FEZ1: variants seen among roughly 807,000 people sequenced by gnomAD.
FEZ1 encodes fasciculation and elongation protein zeta 1.
Under a neutral mutation model 49.3 loss-of-function variants are expected in FEZ1, and 20 were observed. The ratio of observed to expected loss-of-function variants is 0.41; its 90% CI spans 0.29 to 0.59. FEZ1 has a LOEUF of 0.59. Ranked by LOEUF, FEZ1 falls within the 20% of genes least tolerant of loss-of-function variation. The pLI, the probability that FEZ1 is intolerant of heterozygous loss-of-function variation, is 0.36. For missense variants in FEZ1, 413 were observed against 476.0 expected, an observed-to-expected ratio of 0.87 and a Z score of 1.23; for synonymous variants, 170 against 180.9, an observed-to-expected ratio of 0.94 and a Z score of 0.48.
chr11:125,467,589 G>T (rs1794620052), intron 3 of FEZ1, among the ~76,000 whole-genome samples: 1 of 152,216 alleles, frequency 6.6e-6, no homozygotes, highest in African/African-American at 2.4e-5. Flanking sequence ...GGTGTCTCAT[G>T]CCTGTAATTC....
At chr11:125,449,078 CCA>C (rs1313161321) in intron 8 of FEZ1, among the ~76,000 whole-genome samples, 1 of 151,964 alleles carries the variant, frequency 6.6e-6, no homozygotes, top group Non-Finnish European at 1.5e-5. Flanking sequence ...TCTCGCCCTG[CCA>C]CACAGGCTGA....
rs1956888373 is a variant in FEZ1 at position 125,445,221 on chromosome 11, G to A, written c.*874C>T. Among the ~76,000 whole-genome samples, 1 of 152,222 alleles carries A rather than the reference G, an allele frequency of 6.6e-6. No homozygotes were observed. Among genetic ancestry groups the A allele is most frequent in the South Asian group, 2.1e-4 (1 of 4,834 alleles). ...AAAGTCAAAGGACACTGTTGCCAGG[G>A]GTCGTTGGGGACAAACAGGGAGTGG... On this transcript the variant is annotated 3_prime_UTR_variant, in exon 10 of 10. Transcript: ENST00000278919. The surrounding 1 kb of genome is among the most constrained non-coding windows in gnomAD (Gnocchi z 4.4).
chr11:125,470,716 A>T (rs1436956454), intron 3 of FEZ1, among the ~76,000 whole-genome samples: 1 of 152,228 alleles, frequency 6.6e-6, no homozygotes, highest in Non-Finnish European at 1.5e-5. Flanking sequence ...CACCAAAAGA[A>T]ATGCTATAAA....
chr11:125,451,475 T>A (rs1020868787), intron 8 of FEZ1: 1 of 152,222 alleles, frequency 6.6e-6, no homozygotes, highest in Non-Finnish European at 1.5e-5. Flanking sequence ...ACTTCCCCTC[T>A]CCTTGGGTAT....
At chr11:125,477,063 G>A (rs1957239248) in intron 3 of FEZ1, among the ~76,000 whole-genome samples, 1 of 151,974 alleles carries the variant, frequency 6.6e-6, no homozygotes, top group African/African-American at 2.4e-5. Flanking sequence ...ATGTTTTCAA[G>A]AAAAAAACAT....
intron 8 of FEZ1, among the ~76,000 whole-genome samples, chr11:125,448,911 G>T (rs1454253843): frequency 6.6e-6 from 1 of 151,860 alleles, no homozygotes; most frequent in East Asian, 1.9e-4. Flanking sequence ...GGTGGCACAC[G>T]CCTGTAGTCC....
At chr11:125,453,446 C>G (rs1247333104) in intron 7 of FEZ1, 2 of 152,130 alleles carry the variant, frequency 1.3e-5, no homozygotes, top group East Asian at 3.8e-4. Context: ...ACTTAGAATT[C>G]AGCTACAAAT....
Position 125,495,663 on chromosome 11 carries a change from G to T in FEZ1, c.-46+458C>A, listed in dbSNP as rs1458360763. On this transcript the variant is annotated intron_variant, in intron 1 of 9. Transcript: ENST00000278919. This position sits in a 1 kb window ranked among gnomAD's most constrained non-coding sequence, Gnocchi z 4.2. ...GATCTTGGGGCGTTTACGGTGACTG[G>T]ACCAGATAACGGTCCCGGGACGAGG... 4.9e-6 allele frequency: 2 copies of T among 406,444 alleles called. No individual in the cohort carries two copies. Among genetic ancestry groups the T allele is most frequent in the Non-Finnish European group, 1.0e-5 (2 of 198,152 alleles). 25.2% of individuals were successfully genotyped at this position (406,444 alleles called of 1,614,324 possible).
At chr11:125,461,064 A>G (rs1213556301) in intron 4 of FEZ1, among the ~76,000 whole-genome samples, 1 of 152,242 alleles carries the variant, frequency 6.6e-6, no homozygotes, top group African/African-American at 2.4e-5. Context: ...AATACACGTG[A>G]CTGTAAAAAA....
chr11:125,477,662 T>C (rs1957244111), intron 3 of FEZ1, among the ~76,000 whole-genome samples: 1 of 152,180 alleles, frequency 6.6e-6, no homozygotes, highest in Non-Finnish European at 1.5e-5. Flanking sequence ...AGTCAGGTAC[T>C]AGGCACTAAG....
At chr11:125,457,429 AATATATATAT>A (rs145878447) in intron 5 of FEZ1, among the ~76,000 whole-genome samples, 6 of 20,912 alleles carry the variant, frequency 2.9e-4, no homozygotes, top group African/African-American at 6.0e-4. Flanking sequence ...AAAAAAAAAA[AATATATATAT>A]ATATATATAT....
intron 8 of FEZ1, chr11:125,451,581 A>T (rs1245246212): frequency 6.6e-6 from 1 of 152,158 alleles, no homozygotes; most frequent in Non-Finnish European, 1.5e-5. Context: ...TTGCCAAGGA[A>T]ATGGAATTTC....
At position 125,470,356 on chromosome 11, in the gene FEZ1, G is replaced by A. The variant is rs565849448; in HGVS notation, c.412-6786C>T. On this transcript the variant is annotated intron_variant, in intron 3 of 9. Coordinates refer to ENST00000278919, the MANE Select transcript of FEZ1 (RefSeq NM_005103.5). ...GATAGAAAATTTAGACTTTTCCATC[G>A]AGCTGAAGGCTGAGAAAGTTCCCTG... is the stretch of plus-strand genomic sequence containing the variant. Among the ~76,000 whole-genome samples the A allele has an allele frequency of 7.2e-5, 11 of 152,270 alleles. No individual in the cohort carries two copies. The East Asian group carries it at 1.9e-3, about 27-fold the overall frequency.
intron 9 of FEZ1, 53 bp downstream of exon 9, chr11:125,448,449 G>A (rs1433401640): frequency 4.9e-6 from 6 of 1,222,482 alleles, no homozygotes; most frequent in Non-Finnish European, 7.3e-6. Flanking sequence ...CCTAACTGGA[G>A]CAGGAGCTCC....
Position 125,489,700 on chromosome 11 carries a change from C to A in FEZ1, c.78G>T (p.Lys26Asn), listed in dbSNP as rs762696510. Residue 26 changes from lysine (K) to asparagine (N), a missense_variant, in exon 2 of 10, where the codon AAG becomes AAT. By Grantham distance (94) the Lys-to-Asn change is moderately conservative. Transcript: ENST00000278919. This position sits in a 1 kb window ranked among gnomAD's most constrained non-coding sequence, Gnocchi z 4.2. Reference sequence around the variant, plus strand: ...GAGATGAACCATAGAAACACTGGGGCTTCTCCTCCGGGTCCTCCGAGCAGG... The same window carrying A: ...GAGATGAACCATAGAAACACTGGGGATTCTCCTCCGGGTCCTCCGAGCAGG... The part of the protein sequence containing the change: ...RPSCSEDPEE[K>N]PQCFYGSSPH... 5 of 1,612,590 alleles carry A rather than the reference C, an allele frequency of 3.1e-6. No individual in the cohort carries two copies. The highest frequency in any genetic ancestry group is 4.2e-6 in the Non-Finnish European group (5 of 1,179,170).
intron 3 of FEZ1, 37 bp from the exon 4 acceptor site, chr11:125,463,607 C>T: frequency 7.6e-7 from 1 of 1,315,392 alleles, no homozygotes; most frequent in South Asian, 1.2e-5. Context: ...TCTGGGTGAC[C>T]ATCAGCAGAA....
chr11:125,482,023 GAA>G (rs1243403306), intron 2 of FEZ1, among the ~76,000 whole-genome samples: 1 of 152,012 alleles, frequency 6.6e-6, no homozygotes, highest in Non-Finnish European at 1.5e-5. Flanking sequence ...GAGAGAGAGA[GAA>G]AGAGAGAGAG....
intron 3 of FEZ1, among the ~76,000 whole-genome samples, chr11:125,481,302 C>T (rs1957277080): frequency 6.6e-6 from 1 of 152,062 alleles, no homozygotes; most frequent in African/African-American, 2.4e-5. Context: ...CATGCGCCAC[C>T]ATGCCTGGCT....
intron 7 of FEZ1, chr11:125,453,928 C>CA (rs34707154): frequency 0.025 from 6,041 of 243,840 alleles, 9 homozygotes; most frequent in Middle Eastern, 0.044. Flanking sequence ...CACTAGAGCT[C>CA]AAAAAAAAAA....
Sources: allele counts gnomAD v4.1 joint callset (sites outside exome capture counted in the v4.1 genomes callset), GRCh38; gene constraint gnomAD v4.1.1; non-coding constraint Gnocchi (gnomAD v3.1); transcripts MANE v1.5; gene names NCBI Gene and HGNC (gene_info 2026-07-23, HGNC 2026-07-21).